Variants in DNAI2 observed in about 807,000 individuals in gnomAD.
DNAI2 encodes the protein dynein, axonemal, intermediate polypeptide 2.
DNAI2 carries 63 observed loss-of-function variants against 74.7 expected under a neutral mutation model. That is an observed-to-expected ratio of 0.84 (90% CI 0.69 to 1.04). The LOEUF is 1.04. Ranked by LOEUF, DNAI2 falls within the 50% of genes least tolerant of loss-of-function variation. The pLI is 0.00. For synonymous variants in DNAI2, 289 were observed against 314.9 expected (o/e 0.92, Z 0.87); for missense variants, 688 against 803.2 (o/e 0.86, Z 1.73).
chr17:74,275,369 CTT>C (rs957471725), intron 1 of DNAI2, among the ~76,000 whole-genome samples: 7 of 152,254 alleles, frequency 4.6e-5, no homozygotes, highest in African/African-American at 1.7e-4. Context: ...AGGTCTGCCT[CTT>C]TTGAGGGTAG....
At chr17:74,286,361 T>A (rs16967130) in intron 3 of DNAI2, among the ~76,000 whole-genome samples, 9,170 of 150,398 alleles carry the variant, frequency 0.061, 368 homozygotes, top group Admixed American at 0.11. Context: ...AGCATGGTGT[T>A]CTTCAACCTT....
At position 74,312,051 on chromosome 17, in the gene DNAI2, C is replaced by T. The variant is rs748717910; in HGVS notation, c.1543C>T (p.Arg515Trp). ...RREKILEARH[R>W]EMRLKEKGKA... ...AGAGAAGATCCTGGAGGCCAGGCAC[C>T]GGGAGATGCGGCTGAAGGAGAAGGG... The change falls in exon 12 of 14, where the codon CGG (arginine) becomes TGG (tryptophan). Residue 515 changes from arginine to tryptophan, a missense_variant. By Grantham distance (101) the Arg-to-Trp change is moderately radical (BLOSUM62 -3). Transcript: ENST00000311014. 21 of 1,612,180 alleles carry T rather than the reference C, an allele frequency of 1.3e-5. No homozygotes were observed. Among genetic ancestry groups the T allele is most frequent in the South Asian group, 3.3e-5 (3 of 91,000 alleles).
At chr17:74,286,930 A>G (rs2051782410) in intron 3 of DNAI2, 47 bp from the exon 4 acceptor site, 1 of 1,612,936 alleles carries the variant, frequency 6.2e-7, no homozygotes, top group Non-Finnish European at 8.5e-7. Context: ...GGGCAATCTG[A>G]AAGGACCTCC....
chr17:74,275,912 G>A (rs1286658142), intron 1 of DNAI2, among the ~76,000 whole-genome samples: 1 of 152,038 alleles, frequency 6.6e-6, no homozygotes, highest in Non-Finnish European at 1.5e-5. Context: ...CAAAGAAAGA[G>A]GGAAGGAAGT....
At chr17:74,299,916 G>T in intron 7 of DNAI2, 59 bp downstream of exon 7, 1 of 1,607,262 alleles carries the variant, frequency 6.2e-7, no homozygotes. Context: ...ACTGTTCCCT[G>T]GTTCCCCATC....
chr17:74,312,748 C>T (rs1227063834), intron 12 of DNAI2, among the ~76,000 whole-genome samples: 2 of 152,196 alleles, frequency 1.3e-5, no homozygotes, highest in African/African-American at 2.4e-5. Context: ...CTGAGCTGGT[C>T]GCTTCACTTC....
chr17:74,292,776 GA>G (rs1390068637), intron 6 of DNAI2, among the ~76,000 whole-genome samples: 1 of 151,184 alleles, frequency 6.6e-6, no homozygotes, highest in African/African-American at 2.4e-5. Context: ...CTATCCTGGA[GA>G]ATGTTCCATG....
At chr17:74,294,596 G>A (rs1009321557) in intron 6 of DNAI2, among the ~76,000 whole-genome samples, 11 of 151,998 alleles carry the variant, frequency 7.2e-5, no homozygotes, top group Non-Finnish European at 1.5e-4. Context: ...GATTTCAGGC[G>A]TGAGCCACCA....
chr17:74,309,750 C>T (rs1346321097), intron 10 of DNAI2: 3 of 632,756 alleles, frequency 4.7e-6, no homozygotes, highest in East Asian at 5.6e-5. Flanking sequence ...CTGAGCCCCA[C>T]TGGCTGGGGC....
intron 3 of DNAI2, among the ~76,000 whole-genome samples, chr17:74,286,403 A>G (rs1443193126): frequency 1.3e-5 from 2 of 151,548 alleles, no homozygotes; most frequent in Admixed American, 6.6e-5. Context: ...GTTTTTTCTA[A>G]TGGCCTTCTG....
intron 9 of DNAI2, among the ~76,000 whole-genome samples, chr17:74,306,445 A>G (rs1023801071): frequency 1.3e-5 from 2 of 152,096 alleles, no homozygotes; most frequent in Non-Finnish European, 2.9e-5. Context: ...CATTGCATGT[A>G]TAAATAATTA....
intron 12 of DNAI2, among the ~76,000 whole-genome samples, chr17:74,313,457 C>T (rs1266091886): frequency 1.3e-5 from 2 of 152,156 alleles, no homozygotes; most frequent in Non-Finnish European, 2.9e-5. Flanking sequence ...ATCCAGGGCT[C>T]CTCCCACTCA....
intron 12 of DNAI2, chr17:74,313,833 G>C (rs1408721451): frequency 2.2e-6 from 1 of 454,708 alleles, no homozygotes; most frequent in African/African-American, 2.0e-5. Context: ...CTCTCTATGG[G>C]TGAGGGGGCC....
At chr17:74,304,520 G>A (rs2053067889) in intron 8 of DNAI2, among the ~76,000 whole-genome samples, 1 of 152,170 alleles carries the variant, frequency 6.6e-6, no homozygotes, top group African/African-American at 2.4e-5. Flanking sequence ...GTGATGGAGG[G>A]GGTCATGCTC....
At chr17:74,283,170 T>C (rs780600994) in intron 2 of DNAI2, among the ~76,000 whole-genome samples, 2 of 152,254 alleles carry the variant, frequency 1.3e-5, no homozygotes, top group Non-Finnish European at 2.9e-5. Flanking sequence ...AGGATGGGGT[T>C]TCCATCCTGG....
chr17:74,292,893 G>A (rs1278485485), intron 6 of DNAI2, among the ~76,000 whole-genome samples: 3 of 151,134 alleles, frequency 2.0e-5, no homozygotes, highest in South Asian at 2.1e-4. Flanking sequence ...GCAGTGGCGC[G>A]ATCTTGGCCC....
At chr17:74,282,508 C>T (rs1462819789) in intron 2 of DNAI2, among the ~76,000 whole-genome samples, 1 of 152,144 alleles carries the variant, frequency 6.6e-6, no homozygotes, top group Non-Finnish European at 1.5e-5. Context: ...GCCATGTTGC[C>T]CAGGCTGGTC....
At chr17:74,277,752 A>G (rs1210994705) in intron 1 of DNAI2, among the ~76,000 whole-genome samples, 3 of 152,188 alleles carry the variant, frequency 2.0e-5, no homozygotes, top group Non-Finnish European at 4.4e-5. Context: ...GAAAAACACG[A>G]ATTGCTAGGC....
At chr17:74,287,439 T>C (rs1029708374) in intron 4 of DNAI2, among the ~76,000 whole-genome samples, 8 of 152,208 alleles carry the variant, frequency 5.3e-5, no homozygotes, top group African/African-American at 1.4e-4. Flanking sequence ...CCTGCACTCA[T>C]GCGAGTATAT....
Sources: allele counts gnomAD v4.1 joint callset (sites outside exome capture counted in the v4.1 genomes callset), GRCh38; gene constraint gnomAD v4.1.1; transcripts MANE v1.5; gene names NCBI Gene and HGNC (gene_info 2026-07-23, HGNC 2026-07-21).